The following CEMIP variants were observed in gnomAD, a reference collection of about 807,000 sequenced individuals.
CEMIP encodes cell migration-inducing and hyaluronan-binding protein.
In CEMIP, 105 loss-of-function variants were observed where a neutral mutation model predicts 156.9. That is an observed-to-expected ratio of 0.67 (90% CI 0.57 to 0.79). The LOEUF (loss-of-function observed/expected upper bound fraction) is 0.79, where lower values mean the gene tolerates loss of function less well. Ranked by LOEUF, CEMIP falls within the 30% of genes least tolerant of loss-of-function variation. The probability of loss-of-function intolerance (pLI) is 0.00; values close to 1 mark genes in which losing one functional copy is unlikely to be tolerated. For missense variants in CEMIP, 1,457 were observed against 1,769.4 expected, an observed-to-expected ratio of 0.82 and a Z score of 3.17; for synonymous variants, 676 against 668.4, an observed-to-expected ratio of 1.01 and a Z score of -0.17.
intron 28 of CEMIP, chr15:80,946,525 T>A (rs779032462): frequency 4.8e-5 from 9 of 188,612 alleles, no homozygotes; most frequent in Non-Finnish European, 1.0e-4. Context: ...ACCTCCTCTC[T>A]TTCTCTTCCC....
intron 21 of CEMIP, among the ~76,000 whole-genome samples, chr15:80,930,298 G>T (rs2866984): frequency 0.81 from 122,612 of 152,234 alleles, 49,734 homozygotes; most frequent in African/African-American, 0.87. Flanking sequence ...CTTTCAGCAT[G>T]TGTATGAGTG....
At position 80,884,613 on chromosome 15, in the gene CEMIP, G is replaced by A. The variant is rs568048831; in HGVS notation, c.797+259G>A. ...TTTATATGAACTCATTCATTCAGTC[G>A]GCCACTTACAAAATATTAAGTGAGC... On this transcript the variant is annotated intron_variant, in intron 7 of 29. Coordinates refer to ENST00000394685, the MANE Select transcript of CEMIP (RefSeq NM_001293298.2). Among the ~76,000 whole-genome samples, 8 of 152,198 alleles carry A rather than the reference G, an allele frequency of 5.3e-5. No individual in the cohort carries two copies. The South Asian group carries it at 1.2e-3, about 24-fold the overall frequency.
intron 1 of CEMIP, among the ~76,000 whole-genome samples, chr15:80,863,895 G>A (rs758118927): frequency 1.6e-4 from 24 of 152,066 alleles, no homozygotes; most frequent in Non-Finnish European, 3.2e-4. Flanking sequence ...GGTAAACAAG[G>A]CCATATTTTA....
chr15:80,898,560 T>C (rs998679548), intron 12 of CEMIP, among the ~76,000 whole-genome samples: 1 of 152,142 alleles, frequency 6.6e-6, no homozygotes, highest in Non-Finnish European at 1.5e-5. Context: ...GGAAACAAAC[T>C]ATTTCTATCA....
At chr15:80,802,988 T>C (rs779018132) in intron 1 of CEMIP, among the ~76,000 whole-genome samples, 8 of 152,202 alleles carry the variant, frequency 5.3e-5, no homozygotes, top group Non-Finnish European at 8.8e-5. Context: ...AGCAGAAATA[T>C]ATTTCTCACA....
At chr15:80,908,471 C>T (rs1004670215) in intron 13 of CEMIP, among the ~76,000 whole-genome samples, 1 of 152,172 alleles carries the variant, frequency 6.6e-6, no homozygotes, top group African/African-American at 2.4e-5. Context: ...TCATGGTAGG[C>T]ACCCTGGAGG....
At chr15:80,835,463 C>T (rs552872627) in intron 1 of CEMIP, among the ~76,000 whole-genome samples, 2 of 152,218 alleles carry the variant, frequency 1.3e-5, no homozygotes, top group Admixed American at 1.3e-4. Context: ...TGTCAGGTCC[C>T]GGGTCTGGGT....
At chr15:80,839,375 A>G (rs1897339365) in intron 1 of CEMIP, among the ~76,000 whole-genome samples, 1 of 150,348 alleles carries the variant, frequency 6.7e-6, no homozygotes, top group Admixed American at 6.6e-5. Flanking sequence ...GAATGAATGA[A>G]AGAGACAAAC....
Position 80,840,293 on chromosome 15 carries a change from C to T in CEMIP, c.-175-33245C>T, listed in dbSNP as rs554077390. On this transcript the variant is annotated intron_variant, in intron 1 of 29. Transcript: ENST00000394685. ...GACCCATCCACTCGCGTTCCACTCA[C>T]GGGGCATGGAGGGTGGGGACGAGTC... Among the ~76,000 whole-genome samples the T allele has an allele frequency of 5.4e-4, 82 of 152,170 alleles. 1 individual carries two copies. The highest frequency in any genetic ancestry group is 9.8e-4 in the Admixed American group (15 of 15,296).
chr15:80,893,425 G>C (rs933562024), intron 10 of CEMIP, among the ~76,000 whole-genome samples: 10 of 152,138 alleles, frequency 6.6e-5, no homozygotes, highest in South Asian at 2.1e-4. Context: ...GAATTGAGTA[G>C]ATGTTCTCCT....
chr15:80,925,862 C>G, intron 19 of CEMIP, 107 bp downstream of exon 19: 1 of 1,461,050 alleles, frequency 6.8e-7, no homozygotes, highest in Non-Finnish European at 9.1e-7. Flanking sequence ...GCCAGACATA[C>G]TGACGTTTGG....
chr15:80,900,902 C>G (rs1467208562), intron 12 of CEMIP: 13 of 455,130 alleles, frequency 2.9e-5, no homozygotes, highest in Non-Finnish European at 5.7e-5. Flanking sequence ...CTCCCTGGGT[C>G]CTTCTTCCTC....
chr15:80,929,070 C>T lies in CEMIP; in HGVS notation c.2508C>T (p.Ser836=). ...DDGSKQEIKN[S]LFVGESGNVG... The stretch of plus-strand genomic sequence containing the variant: ...GCTCCAAGCAAGAGATAAAGAACAG[C>T]TTGTTTGTTGGCGAGAGTGGCAACG... Residue 836 remains serine (S), a synonymous_variant, in exon 21 of 30, where the codon AGC becomes AGT. Transcript: ENST00000394685. 6.2e-7 allele frequency: 1 copy of T among 1,614,214 alleles called. No homozygotes were observed.
At chr15:80,921,128 A>G (rs1403262067) in intron 16 of CEMIP, 27 bp downstream of exon 16, 2 of 1,604,900 alleles carry the variant, frequency 1.2e-6, no homozygotes, top group East Asian at 2.2e-5. Context: ...CTTCTTTGGC[A>G]GAAAGTGAGG....
chr15:80,947,203 A>G (rs1225726941), intron 29 of CEMIP, 138 bp downstream of exon 29: 4 of 654,366 alleles, frequency 6.1e-6, no homozygotes, highest in Non-Finnish European at 1.1e-5. Flanking sequence ...AATCCCCCAC[A>G]CAACTAGTGG....
chr15:80,887,841 C>G, intron 8 of CEMIP, 77 bp downstream of exon 8: 1 of 1,183,422 alleles, frequency 8.5e-7, no homozygotes, highest in Non-Finnish European at 1.2e-6. Flanking sequence ...TTCTGAACAT[C>G]TCACTTTTCT....
intron 1 of CEMIP, among the ~76,000 whole-genome samples, chr15:80,789,508 G>A (rs2141573820): frequency 6.6e-6 from 1 of 152,326 alleles, no homozygotes. Context: ...GAGAGAGAAA[G>A]CAGTTGGAGG....
intron 1 of CEMIP, among the ~76,000 whole-genome samples, chr15:80,825,905 C>T (rs117697517): frequency 0.046 from 7,075 of 152,296 alleles, 247 homozygotes; most frequent in Middle Eastern, 0.088. Flanking sequence ...TGTTATTGCC[C>T]AGGCAACAGA....
At chr15:80,924,568 G>T (rs1900587511) in intron 17 of CEMIP, 53 bp from the exon 18 acceptor site, 3 of 1,501,312 alleles carry the variant, frequency 2.0e-6, no homozygotes, top group Non-Finnish European at 2.8e-6. Context: ...GTGAGACGAT[G>T]CCTGTAGCCC....
Sources: allele counts gnomAD v4.1 joint callset (sites outside exome capture counted in the v4.1 genomes callset), GRCh38; gene constraint gnomAD v4.1.1; transcripts MANE v1.5; gene names NCBI Gene and HGNC (gene_info 2026-07-23, HGNC 2026-07-21).